The following ABI2 variants were observed in gnomAD, a reference collection of about 807,000 sequenced individuals.
The protein encoded by ABI2 is abelson interactor 2.
ABI2 carries 25 observed loss-of-function variants against 59.2 expected under a neutral mutation model. That is an observed-to-expected ratio of 0.42 (90% CI 0.31 to 0.59). ABI2 has a LOEUF of 0.59. ABI2 is among the 20% of genes least tolerant of loss of function. ABI2 has a pLI of 0.14. For synonymous variants in ABI2, 213 were observed against 235.5 expected (o/e 0.90, Z 0.87); for missense variants, 545 against 681.8 (o/e 0.80, Z 2.23).
At chr2:203,386,550 A>T in intron 4 of ABI2, 1 of 619,888 alleles carries the variant, frequency 1.6e-6, no homozygotes, top group Non-Finnish European at 2.0e-6. Context: ...TTTCATAGAG[A>T]AAAACCAGCT....
intron 1 of ABI2, among the ~76,000 whole-genome samples, chr2:203,340,997 A>G (rs2079535791): frequency 6.6e-6 from 1 of 152,142 alleles, no homozygotes; most frequent in Non-Finnish European, 1.5e-5. Context: ...CTTCTGCCTC[A>G]GGGCCTTTTT....
At chr2:203,404,091 T>TA (rs1029584384) in intron 9 of ABI2, among the ~76,000 whole-genome samples, 4 of 152,114 alleles carry the variant, frequency 2.6e-5, no homozygotes, top group Non-Finnish European at 5.9e-5. Context: ...CCTACATATT[T>TA]AAAAAATTTT....
chr2:203,430,485 G>A lies in ABI2; in HGVS notation c.*3133G>A, dbSNP rs2098474570. On this transcript the variant is annotated 3_prime_UTR_variant, in exon 12 of 12. Transcript: ENST00000261018. Reference sequence around the variant, plus strand: ...GGTATTAATGAAAGTACACTTTATTGTTGCCTTTGAACTTACGGCCAAGGC... The same window carrying A: ...GGTATTAATGAAAGTACACTTTATTATTGCCTTTGAACTTACGGCCAAGGC... 6.6e-6 allele frequency: 1 copy of A among 152,162 alleles called. No individual in the cohort carries two copies. The highest frequency in any genetic ancestry group is 2.1e-4 in the South Asian group (1 of 4,832). 9.4% of individuals were successfully genotyped at this position (152,162 alleles called of 1,614,324 possible).
chr2:203,371,471 A>C (rs887932897), intron 2 of ABI2, among the ~76,000 whole-genome samples: 4 of 152,226 alleles, frequency 2.6e-5, no homozygotes, highest in African/African-American at 9.6e-5. Flanking sequence ...GTAGTATACT[A>C]ATTTTTACTA....
chr2:203,387,584 C>G (rs2096580253), intron 4 of ABI2, among the ~76,000 whole-genome samples: 2 of 152,144 alleles, frequency 1.3e-5, no homozygotes, highest in South Asian at 4.1e-4. Context: ...ACTTTTCCAA[C>G]TTTTCTTTCT....
At chr2:203,401,740 AAAAG>A (rs1442500682) in intron 8 of ABI2, among the ~76,000 whole-genome samples, 23 of 152,278 alleles carry the variant, frequency 1.5e-4, no homozygotes, top group African/African-American at 4.3e-4. Context: ...TTTTTTGATT[AAAAG>A]AAAGAAATGT....
At chr2:203,423,385 C>A (rs1243480335) in intron 11 of ABI2, among the ~76,000 whole-genome samples, 1 of 152,136 alleles carries the variant, frequency 6.6e-6, no homozygotes, top group African/African-American at 2.4e-5. Flanking sequence ...TAGATTGCTC[C>A]TCTTTGTTTC....
chr2:203,421,473 CAGT>C (rs1347114612), intron 11 of ABI2, among the ~76,000 whole-genome samples: 2 of 152,150 alleles, frequency 1.3e-5, no homozygotes, highest in African/African-American at 4.8e-5. Flanking sequence ...TTGAGTTACT[CAGT>C]GGAGTAATTC....
chr2:203,339,842 T>C (rs1302461325), intron 1 of ABI2, among the ~76,000 whole-genome samples: 1 of 152,164 alleles, frequency 6.6e-6, no homozygotes, highest in African/African-American at 2.4e-5. Context: ...ACATGGGGCA[T>C]TGGTTCTAGG....
chr2:203,385,330 A>G lies in ABI2; in HGVS notation c.480+3124A>G, dbSNP rs377097361. Reference sequence around the variant, plus strand: ...GTATTTTTAGTAGAGACGGGGTTTCACCGTGTTAGCCAGGATGGTCTCGAT... The same window carrying G: ...GTATTTTTAGTAGAGACGGGGTTTCGCCGTGTTAGCCAGGATGGTCTCGAT... On this transcript the variant is annotated intron_variant, in intron 4 of 11. Transcript: ENST00000261018. Among the ~76,000 whole-genome samples, 18 of 135,456 alleles carry G rather than the reference A, an allele frequency of 1.3e-4. 1 individual carries two copies. Among genetic ancestry groups the G allele is most frequent in the African/African-American group, 3.6e-4 (13 of 36,064 alleles). 88.9% of individuals were successfully genotyped at this position (135,456 alleles called of 152,430 possible).
At position 203,345,963 on chromosome 2, in the gene ABI2, T is replaced by A. The variant is rs1031156271; in HGVS notation, c.117+17332T>A. ...AGGAGGCCGAGGCGGGCAAATCACC[T>A]GAGATCAGGAGTTTAAGACTAGCCA... On this transcript the variant is annotated intron_variant, in intron 1 of 11. Coordinates refer to ENST00000261018, the MANE Select transcript of ABI2 (RefSeq NM_001375670.1). Among the ~76,000 whole-genome samples the A allele has an allele frequency of 2.6e-5, 4 of 151,994 alleles. No individual in the cohort carries two copies. In the East Asian group the frequency reaches 7.9e-4, roughly 30 times the overall value.
At chr2:203,419,579 G>A (rs1180163479) in intron 11 of ABI2, among the ~76,000 whole-genome samples, 69 of 146,728 alleles carry the variant, frequency 4.7e-4, no homozygotes, top group South Asian at 1.1e-3. Flanking sequence ...GGGTTTCACC[G>A]TGTTAGCCAG....
chr2:203,384,529 C>T (rs556390151), intron 4 of ABI2, among the ~76,000 whole-genome samples: 21 of 151,872 alleles, frequency 1.4e-4, no homozygotes, highest in African/African-American at 3.4e-4. Context: ...TGGCTGGTCT[C>T]GAACTCCTGT....
chr2:203,350,794 T>A (rs2087576191), intron 1 of ABI2, among the ~76,000 whole-genome samples: 1 of 152,024 alleles, frequency 6.6e-6, no homozygotes. Flanking sequence ...CGCCTCGGCC[T>A]CCCAAAGTGC....
chr2:203,421,980 A>AC (rs1373663046), intron 11 of ABI2, among the ~76,000 whole-genome samples: 1 of 151,488 alleles, frequency 6.6e-6, no homozygotes, highest in East Asian at 1.9e-4. Flanking sequence ...AAAAAAAAAA[A>AC]AAAATCTAGA....
At chr2:203,357,648 T>C (rs553315945) in intron 1 of ABI2, among the ~76,000 whole-genome samples, 8 of 152,370 alleles carry the variant, frequency 5.3e-5, no homozygotes, top group Admixed American at 6.5e-5. Flanking sequence ...AAAAGTGTCA[T>C]GTTATTGAGA....
chr2:203,388,267 T>C (rs2096608615), intron 4 of ABI2, among the ~76,000 whole-genome samples: 1 of 152,232 alleles, frequency 6.6e-6, no homozygotes, highest in South Asian at 2.1e-4. Context: ...TTAGATTGTT[T>C]GGACATTCTA....
At chr2:203,328,703 C>A in intron 1 of ABI2, 72 bp downstream of exon 1, 2 of 1,028,198 alleles carry the variant, frequency 1.9e-6, no homozygotes, top group Non-Finnish European at 2.7e-6. Context: ...GGGCGTGGGG[C>A]CGAGGCCGCC....
intron 1 of ABI2, among the ~76,000 whole-genome samples, chr2:203,330,633 A>C (rs1559133824): frequency 6.6e-6 from 1 of 152,224 alleles, no homozygotes; most frequent in Non-Finnish European, 1.5e-5. Flanking sequence ...CAAAACCTAA[A>C]GGAATGAAGT....
Sources: gnomAD v4.1 joint callset for allele counts (sites outside exome capture counted in the v4.1 genomes callset) on GRCh38, gnomAD v4.1.1 for gene constraint, MANE v1.5 for transcripts, NCBI Gene and HGNC (gene_info 2026-07-23, HGNC 2026-07-21) for gene names.